The following NLGN1 variants were observed in gnomAD, a reference collection of about 807,000 sequenced individuals.
NLGN1 encodes neuroligin-1.
Under a neutral mutation model 65.5 loss-of-function variants are expected in NLGN1, and 12 were observed. That is an observed-to-expected ratio of 0.18 (90% CI 0.12 to 0.30). The LOEUF (loss-of-function observed/expected upper bound fraction) is 0.30. Among genes scored for constraint, NLGN1 ranks in the 10% least tolerant of loss-of-function variants. NLGN1 has a pLI of 1.00. For missense variants in NLGN1, 750 were observed against 1,007.1 expected (o/e 0.74, Z 3.46); for synonymous variants, 350 against 359.5 (o/e 0.97, Z 0.30).
chr3:174,208,556 AT>A (rs1202666405), intron 4 of NLGN1, among the ~76,000 whole-genome samples: 3 of 151,874 alleles, frequency 2.0e-5, no homozygotes, highest in Non-Finnish European at 4.4e-5. Flanking sequence ...GCTCTCTAAT[AT>A]TACTGGTGCA....
Position 173,582,391 on chromosome 3 carries a change from T to A in NLGN1, c.-320-21888T>A, listed in dbSNP as rs1746534779. ...ATAGGACATAAAAATGTTCAACTATTGCTAAACTGCTCTCTGAACTTGTAC... is the reference window on the plus strand; with the variant it reads ...ATAGGACATAAAAATGTTCAACTATAGCTAAACTGCTCTCTGAACTTGTAC... On this transcript the variant is annotated intron_variant, in intron 2 of 6. Transcript: ENST00000457714. Among the ~76,000 whole-genome samples, 3 of 152,106 alleles carry A rather than the reference T, an allele frequency of 2.0e-5. No homozygotes were observed. In the South Asian group the frequency reaches 6.2e-4, roughly 31 times the overall value.
chr3:173,820,414 C>CT (rs1455714145), intron 4 of NLGN1, among the ~76,000 whole-genome samples: 1 of 152,084 alleles, frequency 6.6e-6, no homozygotes, highest in African/African-American at 2.4e-5. Flanking sequence ...TGCTCATAAG[C>CT]ATTAGATAAA....
chr3:173,808,575 A>G (rs753701687), intron 4 of NLGN1, among the ~76,000 whole-genome samples: 2 of 152,136 alleles, frequency 1.3e-5, no homozygotes, highest in Non-Finnish European at 2.9e-5. Flanking sequence ...TTTGTTTGTT[A>G]TAGTATTACC....
intron 2 of NLGN1, among the ~76,000 whole-genome samples, chr3:173,462,967 T>C (rs1723655258): frequency 6.6e-6 from 1 of 152,212 alleles, no homozygotes; most frequent in Admixed American, 6.5e-5. Flanking sequence ...ACTCACTTTT[T>C]AATTCCTCAC....
intron 4 of NLGN1, among the ~76,000 whole-genome samples, chr3:174,203,482 G>C (rs982002963): frequency 6.6e-6 from 1 of 152,166 alleles, no homozygotes; most frequent in South Asian, 2.1e-4. Flanking sequence ...TAAGTATGCT[G>C]TCCTGGGTGT....
At chr3:173,547,724 A>G in intron 2 of NLGN1, among the ~76,000 whole-genome samples, 1 of 152,244 alleles carries the variant, frequency 6.6e-6, no homozygotes, top group African/African-American at 2.4e-5. Flanking sequence ...CTTACAGACA[A>G]TGGATTAGTG....
chr3:173,538,229 C>G (rs1371255517), intron 2 of NLGN1, among the ~76,000 whole-genome samples: 1 of 152,122 alleles, frequency 6.6e-6, no homozygotes, highest in Non-Finnish European at 1.5e-5. Context: ...GAACCTTGCC[C>G]CATCCCTGCA....
At chr3:173,499,546 T>G (rs1489752712) in intron 2 of NLGN1, among the ~76,000 whole-genome samples, 2 of 151,844 alleles carry the variant, frequency 1.3e-5, no homozygotes, top group African/African-American at 2.4e-5. Context: ...AGGCTCTTTT[T>G]TGGTTCCATA....
Position 173,711,097 on chromosome 3 carries a change from A to G in NLGN1, c.494-96583A>G, listed in dbSNP as rs1248983082. Among the ~76,000 whole-genome samples the G allele has an allele frequency of 3.3e-5, 5 of 152,322 alleles. No individual in the cohort carries two copies. The East Asian group carries it at 9.6e-4, about 29-fold the overall frequency. ...AGATCCATAATTGGTCATATTCTAA[A>G]TTGTGCAAACAGAAAAGACATAAAA... On this transcript the variant is annotated intron_variant, in intron 3 of 6. Coordinates refer to ENST00000457714, the Ensembl canonical transcript of NLGN1.
chr3:173,520,989 G>A lies in NLGN1; in HGVS notation c.-320-83290G>A, dbSNP rs563486948. ...AGCAGGCATAATAAGGCTGGATAGTGTTCAGTGTGTGTGCAAGAGTCTAAG... is the reference window on the plus strand; with the variant it reads ...AGCAGGCATAATAAGGCTGGATAGTATTCAGTGTGTGTGCAAGAGTCTAAG... On this transcript the variant is annotated intron_variant, in intron 2 of 6. Transcript: ENST00000457714. Among the ~76,000 whole-genome samples the A allele has an allele frequency of 7.2e-5, 11 of 152,284 alleles. No homozygotes were observed. The East Asian group carries it at 2.1e-3, about 29-fold the overall frequency.
chr3:173,761,977 G>A (rs1467983498), intron 3 of NLGN1, among the ~76,000 whole-genome samples: 2 of 152,052 alleles, frequency 1.3e-5, no homozygotes, highest in Non-Finnish European at 2.9e-5. Flanking sequence ...ATCCAAGAAA[G>A]CAGTTGAAGG....
At chr3:173,889,988 G>GGTGTGTGTGT (rs140428383) in intron 4 of NLGN1, among the ~76,000 whole-genome samples, 1 of 147,648 alleles carries the variant, frequency 6.8e-6, no homozygotes, top group Non-Finnish European at 1.5e-5. Flanking sequence ...TATGTATGAG[G>GGTGTGTGTGT]GTGTGTGTGT....
intron 4 of NLGN1, among the ~76,000 whole-genome samples, chr3:174,010,232 C>T (rs1378234467): frequency 6.6e-6 from 1 of 152,142 alleles, no homozygotes; most frequent in Non-Finnish European, 1.5e-5. Flanking sequence ...CTCTGAAGCT[C>T]AAATGAGCAT....
At chr3:173,577,857 T>G (rs953231935) in intron 2 of NLGN1, among the ~76,000 whole-genome samples, 4 of 151,548 alleles carry the variant, frequency 2.6e-5, no homozygotes, top group Non-Finnish European at 5.9e-5. Context: ...GATAGATAGG[T>G]GATAGATGGA....
chr3:174,219,187 C>T (rs1738185749), intron 4 of NLGN1, among the ~76,000 whole-genome samples: 1 of 152,056 alleles, frequency 6.6e-6, no homozygotes, highest in African/African-American at 2.4e-5. Flanking sequence ...GGAGACCACC[C>T]TGGAGTAGGA....
At chr3:174,059,263 C>G (rs953205571) in intron 4 of NLGN1, among the ~76,000 whole-genome samples, 1 of 152,116 alleles carries the variant, frequency 6.6e-6, no homozygotes, top group Non-Finnish European at 1.5e-5. Context: ...GAACAGATTA[C>G]TTTGTCTTCA....
chr3:173,609,498 G>A (rs1473063689), intron 3 of NLGN1, among the ~76,000 whole-genome samples: 1 of 151,744 alleles, frequency 6.6e-6, no homozygotes, highest in Admixed American at 6.6e-5. Flanking sequence ...TTTAACATAG[G>A]GACTGATTTT....
intron 2 of NLGN1, among the ~76,000 whole-genome samples, chr3:173,489,567 C>T (rs1728754858): frequency 6.6e-6 from 1 of 152,092 alleles, no homozygotes. Flanking sequence ...GTCTTTATAG[C>T]AGCATGATTT....
intron 4 of NLGN1, among the ~76,000 whole-genome samples, chr3:174,028,302 C>G (rs1729253440): frequency 6.6e-6 from 1 of 152,066 alleles, no homozygotes; most frequent in Non-Finnish European, 1.5e-5. Context: ...TTTGGAACTT[C>G]CCCAAAGTTG....
Sources: allele counts gnomAD v4.1 joint callset (sites outside exome capture counted in the v4.1 genomes callset), GRCh38; gene constraint gnomAD v4.1.1; transcripts MANE v1.5; gene names NCBI Gene and HGNC (gene_info 2026-07-23, HGNC 2026-07-21).